The following SETD2 variants were observed in gnomAD, a reference collection of about 807,000 sequenced individuals.
SETD2 encodes histone-lysine N-methyltransferase SETD2.
Under a neutral mutation model 242.1 loss-of-function variants are expected in SETD2, and 31 were observed. The observed-to-expected ratio is 0.13, with a 90% CI of 0.10 to 0.17. SETD2 has a LOEUF of 0.17. Ranked by LOEUF, SETD2 falls within the 10% of genes least tolerant of loss-of-function variation. SETD2 has a pLI of 1.00. For synonymous variants in SETD2, 1,006 were observed against 1,066.5 expected (o/e 0.94, Z 1.11); for missense variants, 2,481 against 3,046.3 (o/e 0.81, Z 4.37).
At chr3:47,133,489 T>A (rs1053797896) in intron 1 of SETD2, among the ~76,000 whole-genome samples, 17 of 152,058 alleles carry the variant, frequency 1.1e-4, no homozygotes, top group Non-Finnish European at 2.9e-5. Flanking sequence ...GTGGTTCACT[T>A]TGGGAGGTTG....
intron 5 of SETD2, 69 bp downstream of exon 5, chr3:47,113,807 C>A (rs2107717756): frequency 6.6e-7 from 1 of 1,516,058 alleles, no homozygotes; most frequent in Non-Finnish European, 9.0e-7. Flanking sequence ...CCACTGCACT[C>A]CAGTCTGGGT....
chr3:47,137,230 G>T (rs2043608403), intron 1 of SETD2, among the ~76,000 whole-genome samples: 1 of 151,630 alleles, frequency 6.6e-6, no homozygotes, highest in South Asian at 2.1e-4. Flanking sequence ...GTCTTACTCT[G>T]TCGCCAGGCT....
intron 14 of SETD2, among the ~76,000 whole-genome samples, chr3:47,060,913 A>T (rs2040302614): frequency 6.6e-6 from 1 of 152,226 alleles, no homozygotes; most frequent in Non-Finnish European, 1.5e-5. Flanking sequence ...TCAATGAATG[A>T]ACAACACATA....
rs1398542713 is a variant in SETD2, at chr3:47,124,040, G to C, written c.596C>G (p.Ala199Gly). 1 of 1,552,176 alleles carries C rather than the reference G, an allele frequency of 6.4e-7. No homozygotes were observed. The highest frequency in any genetic ancestry group is 1.2e-5 in the South Asian group (1 of 84,054). ...TGGTGCTGGTGATGAGAGTGTTGTG[G>C]CTTGGGCAGGTGGAGGCGGTGGAGG... ...SPPPPPPPAQ[A>G]TTLSSPAPVT... The change falls in exon 3 of 21, where the codon GCC (alanine) becomes GGC (glycine). Residue 199 changes from alanine to glycine, a missense_variant. By Grantham distance (60) the Ala-to-Gly change is moderately conservative. This residue lies in a region of SETD2 where 334 missense variants were observed against 374.5 expected (regional missense o/e 0.89). Transcript: ENST00000409792.
chr3:47,151,167 T>C (rs1273093603), intron 1 of SETD2, among the ~76,000 whole-genome samples: 1 of 152,062 alleles, frequency 6.6e-6, no homozygotes, highest in African/African-American at 2.4e-5. Context: ...TTCTGATACA[T>C]AGATCTACAA....
chr3:47,067,030 T>C (rs759736644), intron 13 of SETD2, 40 bp downstream of exon 13: 2 of 1,514,692 alleles, frequency 1.3e-6, no homozygotes, highest in Non-Finnish European at 1.8e-6. Context: ...CAAAAGAATA[T>C]TTGTAAAGCC....
intron 11 of SETD2, among the ~76,000 whole-genome samples, chr3:47,085,178 A>G (rs1199220601): frequency 6.6e-6 from 1 of 152,212 alleles, no homozygotes; most frequent in Non-Finnish European, 1.5e-5. Flanking sequence ...AGAAAGAAAA[A>G]CTTTTAATAA....
chr3:47,044,383 A>G (rs1448334323), intron 16 of SETD2, among the ~76,000 whole-genome samples: 1 of 132,338 alleles, frequency 7.6e-6, no homozygotes, highest in African/African-American at 2.9e-5. Flanking sequence ...AAAAAAAAAA[A>G]AAAGGCCTAG....
intron 14 of SETD2, among the ~76,000 whole-genome samples, chr3:47,060,180 T>C (rs2107584601): frequency 6.6e-6 from 1 of 152,318 alleles, no homozygotes; most frequent in Non-Finnish European, 1.5e-5. Context: ...CTGCCTGAGC[T>C]GGTGCAGGTA....
intron 1 of SETD2, among the ~76,000 whole-genome samples, chr3:47,161,740 A>C (rs920911415): frequency 3.3e-5 from 5 of 152,088 alleles, no homozygotes; most frequent in African/African-American, 1.2e-4. Context: ...ATTCAAAACC[A>C]GTAACGTAAT....
At chr3:47,100,750 C>G (rs1446624516) in intron 8 of SETD2, among the ~76,000 whole-genome samples, 1 of 151,816 alleles carries the variant, frequency 6.6e-6, no homozygotes, top group African/African-American at 2.4e-5. Context: ...GTGGCTCAAG[C>G]CTGTAATCCC....
At chr3:47,050,703 C>T (rs1421381478) in intron 15 of SETD2, among the ~76,000 whole-genome samples, 1 of 143,622 alleles carries the variant, frequency 7.0e-6, no homozygotes, top group African/African-American at 2.6e-5. Context: ...GGATACTCAA[C>T]CTGTATACAT....
At chr3:47,116,582 T>C (rs1437987823) in intron 4 of SETD2, 41 bp downstream of exon 4, 1 of 1,572,910 alleles carries the variant, frequency 6.4e-7, no homozygotes, top group Non-Finnish European at 8.6e-7. Flanking sequence ...AGACATTTAA[T>C]AGAAGTGTTG....
chr3:47,037,801 T>C (rs748695288), intron 17 of SETD2, 24 bp from the exon 18 acceptor site: 3 of 1,543,874 alleles, frequency 1.9e-6, no homozygotes, highest in Admixed American at 3.3e-5. Context: ...AAAACAGCCA[T>C]GCTGTCAGGG....
intron 4 of SETD2, among the ~76,000 whole-genome samples, chr3:47,115,601 ACT>A (rs1378899616): frequency 6.6e-6 from 1 of 152,182 alleles, no homozygotes; most frequent in Non-Finnish European, 1.5e-5. Context: ...AATAAGGTAT[ACT>A]CTTTCCATGT....
Position 47,121,724 on chromosome 3 carries a change from G to C in SETD2, c.2912C>G (p.Pro971Arg), listed in dbSNP as rs939989327. The change falls in exon 3 of 21, where the codon CCT becomes CGT. Residue 971 changes from proline to arginine, a missense_variant. By Grantham distance (103) the Pro-to-Arg change is moderately radical. Coordinates refer to ENST00000409792, the MANE Select transcript of SETD2 (RefSeq NM_014159.7). Reference sequence around the variant, plus strand: ...GATTTCTGGTCTTCCTCTTCTTTCAGGCAATATGGAATTCCCTTCTTCTTG... The same window carrying C: ...GATTTCTGGTCTTCCTCTTCTTTCACGCAATATGGAATTCCCTTCTTCTTG... Reference protein sequence around the residue: ...EAQEEGNSILPERRGRPEISL... With the variant: ...EAQEEGNSILRERRGRPEISL... 3 of 1,613,888 alleles carry C rather than the reference G, an allele frequency of 1.9e-6. No homozygotes were observed. Among genetic ancestry groups the C allele is most frequent in the Admixed American group, 3.3e-5 (2 of 59,990 alleles).
chr3:47,082,713 T>C (rs1171241108), intron 12 of SETD2, among the ~76,000 whole-genome samples: 1 of 152,132 alleles, frequency 6.6e-6, no homozygotes, highest in African/African-American at 2.4e-5. Flanking sequence ...CACAACATAC[T>C]TAAAGAAGGG....
intron 1 of SETD2, among the ~76,000 whole-genome samples, chr3:47,156,489 T>G (rs1052590198): frequency 6.6e-6 from 1 of 152,048 alleles, no homozygotes; most frequent in Non-Finnish European, 1.5e-5. Context: ...AATGTGTCAA[T>G]AAAAGGAGAA....
In SETD2 at chr3:47,121,169, C is replaced by T. The variant is rs752223546; in HGVS notation, c.3467G>A (p.Arg1156His). Residue 1156 changes from arginine to histidine, a missense_variant, in exon 3 of 21, where the codon CGC becomes CAC. By Grantham distance (29) the Arg-to-His change is conservative. This residue lies in a region of SETD2 where 1,300 missense variants were observed against 1,259.2 expected (regional missense o/e 1.03). Transcript: ENST00000409792. Reference sequence around the variant, plus strand: ...CTGAGGATGAGAAAGTTCAGGCAGGCGATTATCTATTTGTTTTCTACTGGA... The same window carrying T: ...CTGAGGATGAGAAAGTTCAGGCAGGTGATTATCTATTTGTTTTCTACTGGA... ...TQSSRKQIDN[R>H]LPELSHPQSD... 9.9e-6 allele frequency: 16 copies of T among 1,613,864 alleles called. No homozygotes were observed. The highest frequency in any genetic ancestry group is 4.5e-5 in the East Asian group (2 of 44,898).
Sources: allele counts gnomAD v4.1 joint callset (sites outside exome capture counted in the v4.1 genomes callset), GRCh38; gene constraint gnomAD v4.1.1; regional missense constraint gnomAD v4.1.1; transcripts MANE v1.5; gene names NCBI Gene and HGNC (gene_info 2026-07-23, HGNC 2026-07-21).